The following EXD3 variants were observed in gnomAD, a reference collection of about 807,000 sequenced individuals.
EXD3 encodes exonuclease mut-7 homolog.
A neutral mutation model predicts 98.0 loss-of-function variants in EXD3; 92 were observed. The observed-to-expected ratio is 0.94, with a 90% CI of 0.79 to 1.12. The LOEUF is 1.12. EXD3 is among the 50% of genes most tolerant of loss of function. EXD3 has a pLI of 0.00. For synonymous variants in EXD3, 569 were observed against 526.0 expected (o/e 1.08, Z -1.12); for missense variants, 1,222 against 1,191.6 (o/e 1.03, Z -0.38).
intron 7 of EXD3, 52 bp downstream of exon 7, chr9:137,366,441 G>A: frequency 6.5e-7 from 1 of 1,531,088 alleles, no homozygotes; most frequent in Non-Finnish European, 8.8e-7. Flanking sequence ...TCCCTAACCA[G>A]GGCTCCCAGG....
At chr9:137,365,754 GCA>G (rs529700133) in intron 7 of EXD3, 45 of 313,908 alleles carry the variant, frequency 1.4e-4, no homozygotes, top group East Asian at 9.4e-4. Flanking sequence ...ACACATACAT[GCA>G]CACACACACC....
chr9:137,394,709 G>C (rs920690607), intron 2 of EXD3, among the ~76,000 whole-genome samples: 2 of 151,198 alleles, frequency 1.3e-5, no homozygotes, highest in East Asian at 3.9e-4. Flanking sequence ...CCGAGCGAGC[G>C]GGGATGCGGC....
chr9:137,307,796 G>T, intron 20 of EXD3, 150 bp from the exon 21 acceptor site: 1 of 853,874 alleles, frequency 1.2e-6, no homozygotes, highest in Non-Finnish European at 1.8e-6. Flanking sequence ...CAGACGGGCA[G>T]AGGGCAGGGG....
chr9:137,342,407 G>A (rs1431520027), intron 17 of EXD3, among the ~76,000 whole-genome samples: 1 of 151,862 alleles, frequency 6.6e-6, no homozygotes, highest in Non-Finnish European at 1.5e-5. Context: ...AGGAAACAGG[G>A]CTCAGGCACC....
chr9:137,362,836 G>A (rs143323591), intron 7 of EXD3, among the ~76,000 whole-genome samples: 2 of 152,020 alleles, frequency 1.3e-5, no homozygotes, highest in African/African-American at 4.8e-5. Flanking sequence ...TTGAGATGGA[G>A]TTTCACTCTT....
At chr9:137,410,804 G>A (rs1459129863) in intron 1 of EXD3, among the ~76,000 whole-genome samples, 6 of 152,178 alleles carry the variant, frequency 3.9e-5, no homozygotes, top group Non-Finnish European at 7.4e-5. Flanking sequence ...GGGGCAGGGC[G>A]AGGGCTGTGT....
At chr9:137,370,749 G>A (rs1393489421) in intron 5 of EXD3, among the ~76,000 whole-genome samples, 1 of 150,878 alleles carries the variant, frequency 6.6e-6, no homozygotes, top group East Asian at 1.9e-4. Context: ...CCCAGCGACA[G>A]CCCTGCCTCC....
rs141326092 is a variant in EXD3, at chr9:137,409,534, T to C, written c.-48+13580A>G. On this transcript the variant is annotated intron_variant, in intron 1 of 21. Coordinates refer to ENST00000340951, the MANE Select transcript of EXD3 (RefSeq NM_017820.5). ...GAGTTTGAGACCAGCCTGGGTAACA[T>C]AGCGAGACTCTGTTTCTATGAAAAA... 2.6e-3 allele frequency among the ~76,000 whole-genome samples: 394 copies of C among 152,118 alleles called. 2 individuals are homozygous for C. Among genetic ancestry groups the C allele is most frequent in the African/African-American group, 9.3e-3 (387 of 41,498 alleles).
At position 137,350,891 on chromosome 9, in the gene EXD3, T is replaced by C. The variant is rs564850806; in HGVS notation, c.1494+147A>G. 10 of 656,006 alleles carry C rather than the reference T, an allele frequency of 1.5e-5. No homozygotes were observed. In the East Asian group the frequency reaches 2.8e-4, roughly 18 times the overall value. 40.6% of individuals were successfully genotyped at this position (656,006 alleles called of 1,614,324 possible). ...TGCCAGATCCAGCTCTGCCAGGCTC[T>C]GCTCTGGGGCCCTGGTGACTGAGGC... On this transcript the variant is annotated intron_variant, in intron 14 of 21. Transcript: ENST00000340951.
chr9:137,321,467 G>A (rs1832028176), intron 19 of EXD3, among the ~76,000 whole-genome samples: 1 of 152,218 alleles, frequency 6.6e-6, no homozygotes, highest in South Asian at 2.1e-4. Flanking sequence ...AAGATCACCT[G>A]AGGTCAGGAG....
Position 137,343,575 on chromosome 9 carries a change from C to CTTTTTTTTTTTTTTTTTTTTTT in EXD3, c.1998+4474_1998+4495dup, listed in dbSNP as rs1167772389. The CTTTTTTTTTTTTTTTTTTTTTT allele has an allele frequency of 1.4e-4, 8 of 56,608 alleles. 3 individuals are homozygous for CTTTTTTTTTTTTTTTTTTTTTT. Among genetic ancestry groups the CTTTTTTTTTTTTTTTTTTTTTT allele is most frequent in the Non-Finnish European group, 1.5e-4 (5 of 34,056 alleles). The allele number at this position is 56,608 out of a possible 1,614,324, so 3.5% of individuals were successfully genotyped here. On this transcript the variant is annotated intron_variant, in intron 17 of 21. Transcript: ENST00000340951. ...AACATCTCACCATGGACTACTGTAT[C>CTTTTTTTTTTTTTTTTTTTTTT]TTTTTTTTTTTTTTTTTTTTTTTTT...
chr9:137,314,605 C>T (rs1831539757), intron 19 of EXD3, among the ~76,000 whole-genome samples: 1 of 152,152 alleles, frequency 6.6e-6, no homozygotes, highest in Non-Finnish European at 1.5e-5. Flanking sequence ...CCCCTTGCCC[C>T]CTGTCCCCCC....
chr9:137,356,030 C>T (rs1011846041), intron 8 of EXD3, among the ~76,000 whole-genome samples: 3 of 152,194 alleles, frequency 2.0e-5, no homozygotes, highest in Admixed American at 6.5e-5. Flanking sequence ...CTCCCGGAGC[C>T]GCCTAGGTGG....
At position 137,324,018 on chromosome 9, in the gene EXD3, G is replaced by A. The variant is rs1021443119; in HGVS notation, c.2052+72C>T. 1.9e-6 allele frequency: 3 copies of A among 1,539,232 alleles called. No individual in the cohort carries two copies. Among genetic ancestry groups the A allele is most frequent in the Admixed American group, 3.9e-5 (2 of 50,956 alleles). On this transcript the variant is annotated intron_variant, in intron 18 of 21. Coordinates refer to ENST00000340951, the MANE Select transcript of EXD3 (RefSeq NM_017820.5). This position sits in a 1 kb window ranked among gnomAD's most constrained non-coding sequence, Gnocchi z 4.1. ...CCCACGGCAAGCTGACCCTGAGGTG[G>A]GGGTGGCCGAGGGGCTGGGGGCTTG...
intron 17 of EXD3, among the ~76,000 whole-genome samples, chr9:137,330,961 C>G (rs993397311): frequency 1.3e-5 from 2 of 152,114 alleles, no homozygotes; most frequent in South Asian, 4.1e-4. Context: ...AAGACAGCAT[C>G]GTGTTAACAT....
At chr9:137,365,877 A>G (rs540771463) in intron 7 of EXD3, 89 of 362,450 alleles carry the variant, frequency 2.5e-4, no homozygotes, top group African/African-American at 1.2e-3. Flanking sequence ...ATATACATGC[A>G]CACACACACA....
intron 19 of EXD3, among the ~76,000 whole-genome samples, chr9:137,318,058 T>C (rs1052455329): frequency 6.6e-6 from 1 of 151,832 alleles, no homozygotes; most frequent in Non-Finnish European, 1.5e-5. Flanking sequence ...AATGTAAGGG[T>C]CTCCAGGCCC....
intron 1 of EXD3, among the ~76,000 whole-genome samples, chr9:137,415,826 A>G (rs2131836891): frequency 6.6e-6 from 1 of 152,340 alleles, no homozygotes; most frequent in Admixed American, 6.5e-5. Context: ...TTTTATAAAA[A>G]TACTTAATGG....
rs143312119 is a variant in EXD3, at chr9:137,373,038, G to A, written c.329C>T (p.Ala110Val). Residue 110 changes from alanine to valine, a missense_variant, in exon 5 of 22, where the codon GCG becomes GTG. Coordinates refer to ENST00000340951, the MANE Select transcript of EXD3 (RefSeq NM_017820.5). ...GGGGCTCTCAGTGAGGACTTTGACC[G>A]CTCGGGCCTGCAGCTGCTTCAGCCT... Reference protein sequence around the residue: ...SLRLKQLQARAVKVLTESPPS... With the variant: ...SLRLKQLQARVVKVLTESPPS... The A allele has an allele frequency of 0.026, 42,293 of 1,597,866 alleles. 664 individuals carry two copies. The highest frequency in any genetic ancestry group is 0.029 in the Non-Finnish European group (33,539 of 1,174,984).
Sources: gnomAD v4.1 joint callset for allele counts (sites outside exome capture counted in the v4.1 genomes callset) on GRCh38, gnomAD v4.1.1 for gene constraint, Gnocchi (gnomAD v3.1) non-coding constraint, MANE v1.5 for transcripts, NCBI Gene and HGNC (gene_info 2026-07-23, HGNC 2026-07-21) for gene names.